The following RAB9B variants were observed in gnomAD, a reference collection of about 807,000 sequenced individuals.
The protein encoded by RAB9B is ras-related protein Rab-9B.
In RAB9B, 1 loss-of-function variant was observed where a neutral mutation model predicts 8.9. The observed-to-expected ratio is 0.11, with a 90% CI of 0.04 to 0.53. The LOEUF is 0.53. RAB9B is among the 20% of genes least tolerant of loss of function. RAB9B has a pLI of 0.93. For missense variants in RAB9B, 82 were observed against 152.9 expected (o/e 0.54, Z 2.45); for synonymous variants, 63 against 57.0 (o/e 1.10, Z -0.47).
At chrX:103,807,749 G>A in the RAB9B span, among the ~76,000 whole-genome samples, 1 of 111,631 alleles carries the variant, frequency 9.0e-6, no homozygotes, top group East Asian at 2.8e-4. Flanking sequence ...GCTGTGACAG[G>A]GAGTCCCCAA....
At chrX:103,810,037 T>C in the RAB9B span, among the ~76,000 whole-genome samples, 1 of 111,508 alleles carries the variant, frequency 9.0e-6, no homozygotes. Context: ...TAGTGGCTAG[T>C]AGGAAGGAGC....
chrX:103,830,989 T>C (rs775243209), intron 1 of RAB9B, among the ~76,000 whole-genome samples: 2 of 110,509 alleles, frequency 1.8e-5, no homozygotes, highest in Non-Finnish European at 3.8e-5. Flanking sequence ...CAGGGATCGA[T>C]AGGGGAAGAG....
At chrX:103,809,037 G>A in the RAB9B span, among the ~76,000 whole-genome samples, 1 of 112,686 alleles carries the variant, frequency 8.9e-6, no homozygotes, top group East Asian at 2.8e-4. Flanking sequence ...TTATAGGATG[G>A]TATTTGGAGA....
At chrX:103,821,390 C>G (rs746438691), downstream of RAB9B, among the ~76,000 whole-genome samples, 24 of 110,276 alleles carry the variant, frequency 2.2e-4, no homozygotes, top group African/African-American at 7.9e-4. Flanking sequence ...CAACAAATTC[C>G]CCACCCCCAA....
chrX:103,796,722 T>C, the RAB9B span, among the ~76,000 whole-genome samples: 1 of 108,624 alleles, frequency 9.2e-6, no homozygotes, highest in Admixed American at 1.0e-4. Flanking sequence ...CTCAGCTGAC[T>C]GGCAAAGCTG....
downstream of RAB9B, among the ~76,000 whole-genome samples, chrX:103,821,685 GTCAGGAAAATAAAGGGAATATGTCT>G (rs2074661385): frequency 8.9e-6 from 1 of 111,858 alleles, no homozygotes; most frequent in Admixed American, 9.5e-5. Context: ...CAATTCACCA[GTCAGGAAAATAAAGGGAATATGTCT>G]ACTCTGTTTA....
the RAB9B span, among the ~76,000 whole-genome samples, chrX:103,794,333 A>T: frequency 8.9e-6 from 1 of 111,754 alleles, no homozygotes. Context: ...ACAACTTGTG[A>T]CTTGCTCTTT....
chrX:103,782,529 C>G, the RAB9B span, among the ~76,000 whole-genome samples: 2 of 112,023 alleles, frequency 1.8e-5, no homozygotes, highest in Non-Finnish European at 3.8e-5. Flanking sequence ...ATTGAGGGAT[C>G]AGATACACTC....
the RAB9B span, among the ~76,000 whole-genome samples, chrX:103,798,283 A>C: frequency 3.4e-3 from 378 of 112,313 alleles, 1 homozygote; most frequent in African/African-American, 0.012. Flanking sequence ...ATATTTTAAA[A>C]TATGTTTTAT....
At chrX:103,819,470 A>G (rs780755109), downstream of RAB9B, among the ~76,000 whole-genome samples, 168 of 112,002 alleles carry the variant, frequency 1.5e-3, 1 homozygote, top group Non-Finnish European at 1.5e-3. Context: ...ATGAAGACAC[A>G]AAGATCACTG....
At chrX:103,815,790 C>T in the RAB9B span, among the ~76,000 whole-genome samples, 1 of 111,733 alleles carries the variant, frequency 8.9e-6, no homozygotes, top group East Asian at 2.8e-4. Flanking sequence ...ACACCAATAA[C>T]AGACAAACAG....
At chrX:103,821,722 A>AT (rs1254937845), downstream of RAB9B, among the ~76,000 whole-genome samples, 1 of 111,726 alleles carries the variant, frequency 9.0e-6, no homozygotes, top group East Asian at 2.8e-4. Context: ...CTCTGTTTAT[A>AT]TTTTTTGATG....
chrX:103,826,231 T>C (rs191200528), intron 2 of RAB9B, among the ~76,000 whole-genome samples: 1 of 112,227 alleles, frequency 8.9e-6, no homozygotes, highest in East Asian at 2.8e-4. Flanking sequence ...AGTCTGCTCC[T>C]GATGGATACA....
At chrX:103,818,564 A>C (rs1463075486), downstream of RAB9B, among the ~76,000 whole-genome samples, 1 of 112,071 alleles carries the variant, frequency 8.9e-6, no homozygotes, top group African/African-American at 3.2e-5. Context: ...TCTAGCAATA[A>C]GTGTTTTATT....
At chrX:103,798,765 C>T in the RAB9B span, among the ~76,000 whole-genome samples, 4 of 108,105 alleles carry the variant, frequency 3.7e-5, no homozygotes, top group African/African-American at 1.4e-4. Flanking sequence ...GCCTCAGTCT[C>T]CTGAGTAGCT....
chrX:103,811,513 CAT>C, the RAB9B span, among the ~76,000 whole-genome samples: 1 of 111,480 alleles, frequency 9.0e-6, no homozygotes, highest in Admixed American at 9.5e-5. Flanking sequence ...ATAATAGTGA[CAT>C]GTGGAAATGC....
chrX:103,824,226 T>C lies in RAB9B; in HGVS notation c.*953A>G, dbSNP rs768993458. ...AACCAGTTCCTTCTTCTGCAATAAA[T>C]ATTTGAGTTAAGGAGCCTTGTGAGA... On this transcript the variant is annotated 3_prime_UTR_variant, in exon 3 of 3. Coordinates refer to ENST00000243298, the MANE Select transcript of RAB9B (RefSeq NM_016370.4). 3 of 112,261 alleles carry C rather than the reference T, an allele frequency of 2.7e-5. No homozygotes were observed. Among genetic ancestry groups the C allele is most frequent in the Non-Finnish European group, 5.6e-5 (3 of 53,272 alleles). The allele number at this position is 112,261 out of a possible 1,213,427, so 9.3% of individuals were successfully genotyped here.
the RAB9B span, chrX:103,789,164 C>T: frequency 9.9e-6 from 5 of 503,407 alleles, no homozygotes; most frequent in African/African-American, 2.3e-5. Flanking sequence ...CTATGGTGTA[C>T]ACTGAAGACT....
At chrX:103,780,637 G>A in the RAB9B span, among the ~76,000 whole-genome samples, 1 of 111,484 alleles carries the variant, frequency 9.0e-6, no homozygotes, top group Non-Finnish European at 1.9e-5. Context: ...CAGAGACTTC[G>A]GGACTGTTTT....
Sources: gnomAD v4.1 joint callset for allele counts (sites outside exome capture counted in the v4.1 genomes callset) on GRCh38, gnomAD v4.1.1 for gene constraint, MANE v1.5 for transcripts, NCBI Gene and HGNC (gene_info 2026-07-23, HGNC 2026-07-21) for gene names.